The following CERS6 variants were observed in gnomAD, a reference collection of about 807,000 sequenced individuals.
CERS6 encodes ceramide synthase 6.
In CERS6, 26 loss-of-function variants were observed where a neutral mutation model predicts 56.8. That is an observed-to-expected ratio of 0.46 (90% CI 0.34 to 0.63). CERS6 has a LOEUF of 0.63. Ranked by LOEUF, CERS6 falls within the 30% of genes least tolerant of loss-of-function variation. The pLI is 0.01. For synonymous variants in CERS6, 164 were observed against 173.3 expected (o/e 0.95, Z 0.42); for missense variants, 415 against 467.5 (o/e 0.89, Z 1.04).
At chr2:168,509,006 A>C (rs1257608642) in intron 1 of CERS6, among the ~76,000 whole-genome samples, 1 of 152,138 alleles carries the variant, frequency 6.6e-6, no homozygotes, top group Non-Finnish European at 1.5e-5. Context: ...TTTACTTTCT[A>C]GATGGTAATT....
chr2:168,513,883 A>G (rs940981972), intron 1 of CERS6, among the ~76,000 whole-genome samples: 4 of 152,024 alleles, frequency 2.6e-5, no homozygotes, highest in Admixed American at 2.6e-4. Flanking sequence ...GAGAGAGAAA[A>G]GGTCATTCTT....
chr2:168,601,973 C>A (rs1490163327), intron 3 of CERS6, among the ~76,000 whole-genome samples: 1 of 152,166 alleles, frequency 6.6e-6, no homozygotes, highest in African/African-American at 2.4e-5. Context: ...GAAAAGGAAG[C>A]ACAGATGAAG....
At chr2:168,768,082 C>G (rs1684766528) in intron 9 of CERS6, among the ~76,000 whole-genome samples, 1 of 152,136 alleles carries the variant, frequency 6.6e-6, no homozygotes, top group African/African-American at 2.4e-5. Context: ...AAACTACTTC[C>G]TTGCTAAATA....
At chr2:168,751,086 C>T (rs1326039305) in intron 8 of CERS6, among the ~76,000 whole-genome samples, 1 of 152,148 alleles carries the variant, frequency 6.6e-6, no homozygotes, top group Admixed American at 6.5e-5. Context: ...TTGATGATAG[C>T]AGTGACTTTG....
chr2:168,671,114 C>T (rs899592410), intron 4 of CERS6, among the ~76,000 whole-genome samples: 12 of 152,064 alleles, frequency 7.9e-5, no homozygotes, highest in Non-Finnish European at 1.5e-4. Context: ...GTGCATGCCA[C>T]CACACCTAGC....
intron 7 of CERS6, among the ~76,000 whole-genome samples, chr2:168,715,488 T>C (rs1239128408): frequency 6.6e-6 from 1 of 152,196 alleles, no homozygotes; most frequent in Non-Finnish European, 1.5e-5. Context: ...TAGTTACTAA[T>C]GGAAACTATA....
intron 3 of CERS6, among the ~76,000 whole-genome samples, chr2:168,580,347 T>C (rs1407662477): frequency 1.3e-5 from 2 of 152,198 alleles, no homozygotes; most frequent in Non-Finnish European, 2.9e-5. Flanking sequence ...GTTTTGAAAT[T>C]ATAGACTCAA....
intron 8 of CERS6, among the ~76,000 whole-genome samples, chr2:168,733,106 G>A (rs930667804): frequency 1.3e-5 from 2 of 152,120 alleles, no homozygotes; most frequent in African/African-American, 2.4e-5. Flanking sequence ...GCTTCCTGCT[G>A]CAAAACAATA....
At chr2:168,563,762 A>C (rs970686953) in intron 3 of CERS6, among the ~76,000 whole-genome samples, 7 of 152,166 alleles carry the variant, frequency 4.6e-5, no homozygotes, top group Non-Finnish European at 8.8e-5. Context: ...GCACCACTGC[A>C]CTCCAGCTTG....
At chr2:168,650,317 T>C (rs1685312337) in intron 4 of CERS6, among the ~76,000 whole-genome samples, 1 of 152,142 alleles carries the variant, frequency 6.6e-6, no homozygotes, top group Non-Finnish European at 1.5e-5. Flanking sequence ...TGTCCAACAG[T>C]CCCAGGAGGG....
At chr2:168,728,387 CTTTTTT>C (rs397872513) in intron 8 of CERS6, among the ~76,000 whole-genome samples, 1 of 97,556 alleles carries the variant, frequency 1.0e-5, no homozygotes, top group East Asian at 2.7e-4. Context: ...TGCAACTACT[CTTTTTT>C]TTTTTTTTTT....
chr2:168,561,357 C>G lies in CERS6; in HGVS notation c.407+35C>G, dbSNP rs780835262. 7 of 1,613,044 alleles carry G rather than the reference C, an allele frequency of 4.3e-6. No homozygotes were observed. In the Middle Eastern group the frequency reaches 6.6e-4, roughly 152 times the overall value. ...TGTTTTTCTTTTTGAAAGAAAAGAC[C>G]TAAGTACTCATGCCAACCCTGAGGT... On this transcript the variant is annotated intron_variant, in intron 3 of 9. Coordinates refer to ENST00000305747, the MANE Select transcript of CERS6 (RefSeq NM_203463.3).
At chr2:168,631,393 A>C (rs541855546) in intron 4 of CERS6, among the ~76,000 whole-genome samples, 1 of 135,506 alleles carries the variant, frequency 7.4e-6, no homozygotes, top group Non-Finnish European at 1.5e-5. Context: ...TATATATATT[A>C]TATAATATAT....
intron 4 of CERS6, among the ~76,000 whole-genome samples, chr2:168,636,267 G>GGA (rs779971910): frequency 1.7e-3 from 254 of 152,206 alleles, no homozygotes; most frequent in Non-Finnish European, 2.7e-3. Context: ...AGCCTGTTTT[G>GGA]CTGTCTTTGG....
At chr2:168,713,713 C>T (rs73973412) in intron 6 of CERS6, among the ~76,000 whole-genome samples, 1,582 of 152,214 alleles carry the variant, frequency 0.01, 34 homozygotes, top group African/African-American at 0.036. Flanking sequence ...TCAATCCCCA[C>T]CAGTATGCAG....
chr2:168,682,068 C>A (rs1031958367), intron 4 of CERS6, among the ~76,000 whole-genome samples: 10 of 152,110 alleles, frequency 6.6e-5, no homozygotes, highest in African/African-American at 2.4e-4. Context: ...GTGAATAGTG[C>A]TACAATAAAC....
chr2:168,692,826 A>C (rs1686539943), intron 5 of CERS6, among the ~76,000 whole-genome samples: 2 of 152,142 alleles, frequency 1.3e-5, no homozygotes, highest in Non-Finnish European at 2.9e-5. Flanking sequence ...GTGTGTAAGC[A>C]TGCCTATGTA....
chr2:168,749,208 CA>C (rs1298139551), intron 8 of CERS6, among the ~76,000 whole-genome samples: 1 of 152,200 alleles, frequency 6.6e-6, no homozygotes, highest in Non-Finnish European at 1.5e-5. Flanking sequence ...AACTTGCCAA[CA>C]AACCCACATT....
chr2:168,577,006 G>A lies in CERS6; in HGVS notation c.407+15684G>A, dbSNP rs537149850. On this transcript the variant is annotated intron_variant, in intron 3 of 9. Transcript: ENST00000305747. ...TGATTTTGGTCATGTGAATCTGGAG[G>A]TATCTATTAGATATCTATGCAGAGG... Among the ~76,000 whole-genome samples, 58 of 152,304 alleles carry A rather than the reference G, an allele frequency of 3.8e-4. No individual in the cohort carries two copies. In the Middle Eastern group the frequency reaches 0.01, roughly 27 times the overall value.
Sources: gnomAD v4.1 joint callset for allele counts (sites outside exome capture counted in the v4.1 genomes callset) on GRCh38, gnomAD v4.1.1 for gene constraint, MANE v1.5 for transcripts, NCBI Gene and HGNC (gene_info 2026-07-23, HGNC 2026-07-21) for gene names.